Variants in USP49 observed in about 807,000 individuals in gnomAD.
USP49 encodes ubiquitin specific peptidase 49.
Under a neutral mutation model 58.6 loss-of-function variants are expected in USP49, and 24 were observed. The ratio of observed to expected loss-of-function variants is 0.41; its 90% CI spans 0.30 to 0.58. The LOEUF (loss-of-function observed/expected upper bound fraction) is 0.58. USP49 is among the 20% of genes least tolerant of loss of function. USP49 has a pLI of 0.30. For missense variants in USP49, 703 were observed against 866.1 expected, an observed-to-expected ratio of 0.81 and a Z score of 2.36; for synonymous variants, 408 against 365.1, an observed-to-expected ratio of 1.12 and a Z score of -1.34.
At chr6:41,825,372 A>G (rs887934500) in intron 3 of USP49, among the ~76,000 whole-genome samples, 1 of 152,142 alleles carries the variant, frequency 6.6e-6, no homozygotes, top group African/African-American at 2.4e-5. Context: ...TCATTGCCTG[A>G]GATCCCACAG....
At chr6:41,850,565 T>C (rs1015721926) in intron 3 of USP49, among the ~76,000 whole-genome samples, 3 of 151,656 alleles carry the variant, frequency 2.0e-5, no homozygotes, top group Non-Finnish European at 2.9e-5. Context: ...CTATAAACAA[T>C]TGCACACCAA....
rs1467927638 is a variant in USP49 at position 41,791,874 on chromosome 6, TCTGAA to T, written c.*4654_*4658del. ...TCAGCTTTAGCACTGACTTAAAAAGTCTGAACCACCAGGAAGATGCGTACTTAACT... is the reference window on the plus strand; with the variant it reads ...TCAGCTTTAGCACTGACTTAAAAAGTCCACCAGGAAGATGCGTACTTAACT... On this transcript the variant is annotated 3_prime_UTR_variant, in exon 8 of 8. Coordinates refer to ENST00000682992, the MANE Select transcript of USP49 (RefSeq NM_001286554.2). The T allele has an allele frequency of 6.6e-6, 1 of 152,244 alleles. No individual in the cohort carries two copies. The highest frequency in any genetic ancestry group is 2.4e-5 in the African/African-American group (1 of 41,470). 9.4% of individuals were successfully genotyped at this position (152,244 alleles called of 1,614,324 possible).
intron 3 of USP49, among the ~76,000 whole-genome samples, chr6:41,813,700 G>A (rs1362268750): frequency 6.6e-6 from 1 of 152,150 alleles, no homozygotes; most frequent in African/African-American, 2.4e-5. Context: ...ATCCATTCAG[G>A]AAAAACACAG....
chr6:41,861,263 G>A (rs544278499), intron 3 of USP49, among the ~76,000 whole-genome samples: 1 of 152,166 alleles, frequency 6.6e-6, no homozygotes, highest in African/African-American at 2.4e-5. Context: ...TTAACATGGT[G>A]AAACCCTGTC....
intron 3 of USP49, among the ~76,000 whole-genome samples, chr6:41,818,821 T>C (rs1156827517): frequency 1.3e-5 from 2 of 152,206 alleles, no homozygotes; most frequent in Non-Finnish European, 1.5e-5. Context: ...TAACTCTTCC[T>C]GTTACTGAAG....
rs376541033 is a variant in USP49 at position 41,802,427 on chromosome 6, AT to A, written c.1561+1378del. On this transcript the variant is annotated intron_variant, in intron 5 of 7. Coordinates refer to ENST00000682992, the MANE Select transcript of USP49 (RefSeq NM_001286554.2). The stretch of plus-strand genomic sequence containing the variant: ...TTTATTTTTTATTTTATTTTATTTT[AT>A]TTTATTTATTTATTTATTTATTTAT... Among the ~76,000 whole-genome samples the A allele has an allele frequency of 4.4e-3, 358 of 81,152 alleles. 4 individuals carry two copies. The highest frequency in any genetic ancestry group is 0.018 in the Middle Eastern group (3 of 166). 53.2% of individuals were successfully genotyped at this position (81,152 alleles called of 152,430 possible).
intron 5 of USP49, among the ~76,000 whole-genome samples, chr6:41,801,399 T>C (rs900182120): frequency 2.0e-5 from 3 of 152,100 alleles, no homozygotes; most frequent in African/African-American, 4.8e-5. Flanking sequence ...TCTGTGACAA[T>C]AGGATGTGGA....
intron 5 of USP49, among the ~76,000 whole-genome samples, chr6:41,802,402 TTTATTTTTTA>T (rs1265635887): frequency 2.2e-4 from 28 of 124,562 alleles, no homozygotes; most frequent in African/African-American, 6.4e-4. Context: ...TTTATTTTAT[TTTATTTTTTA>T]TTTTATTTTA....
At chr6:41,810,382 C>G (rs1202870969) in intron 3 of USP49, among the ~76,000 whole-genome samples, 1 of 149,100 alleles carries the variant, frequency 6.7e-6, no homozygotes, top group Non-Finnish European at 1.5e-5. Flanking sequence ...CCCAGCTATT[C>G]GGGAAGCTGA....
intron 3 of USP49, among the ~76,000 whole-genome samples, chr6:41,861,397 C>G (rs1028287212): frequency 4.0e-5 from 6 of 151,582 alleles, no homozygotes; most frequent in African/African-American, 1.5e-4. Context: ...GAGCCAAGAT[C>G]GCGCCACTGC....
At position 41,794,484 on chromosome 6, in the gene USP49, T is replaced by C. The variant is rs534043062; in HGVS notation, c.*2049A>G. On this transcript the variant is annotated 3_prime_UTR_variant, in exon 8 of 8. Transcript: ENST00000682992. ...TTCTTTTTTTCTAGAATAATAAATA[T>C]AGGATTCAATGAAAGATGAGGCACG... is the stretch of plus-strand genomic sequence containing the variant. The C allele has an allele frequency of 1.3e-5, 2 of 152,336 alleles. No individual in the cohort carries two copies. Among genetic ancestry groups the C allele is most frequent in the South Asian group, 2.1e-4 (1 of 4,832 alleles). 9.4% of individuals were successfully genotyped at this position (152,336 alleles called of 1,614,324 possible).
At chr6:41,809,816 G>A (rs1581995936) in intron 3 of USP49, among the ~76,000 whole-genome samples, 1 of 151,388 alleles carries the variant, frequency 6.6e-6, no homozygotes, top group East Asian at 2.0e-4. Flanking sequence ...GACAGAGCGA[G>A]ACTCCGTCTC....
chr6:41,796,726 A>G lies in USP49; in HGVS notation c.1877-3T>C. ...GTCATTGCAGTGGACCCAAAAACCTAGGAAACCAAAGGAGAAAAAGAGAGA... is the reference window on the plus strand; with the variant it reads ...GTCATTGCAGTGGACCCAAAAACCTGGGAAACCAAAGGAGAAAAAGAGAGA... On this transcript the variant is annotated splice_region_variant and splice_polypyrimidine_tract_variant and intron_variant, in intron 7 of 7. Coordinates refer to ENST00000682992, the MANE Select transcript of USP49 (RefSeq NM_001286554.2). 1.4e-6 allele frequency: 1 copy of G among 715,200 alleles called. No homozygotes were observed. The highest frequency in any genetic ancestry group is 1.5e-5 in the South Asian group (1 of 67,368). 44.3% of individuals were successfully genotyped at this position (715,200 alleles called of 1,614,324 possible). A position where few individuals can be genotyped will look rare whatever the true frequency, so the allele number is the denominator to read the frequency against.
chr6:41,877,463 T>C (rs1774521640), intron 2 of USP49, among the ~76,000 whole-genome samples: 1 of 152,222 alleles, frequency 6.6e-6, no homozygotes, highest in African/African-American at 2.4e-5. Flanking sequence ...GAAAGGGTTA[T>C]TTATCATCCA....
chr6:41,840,019 T>G (rs759571611), intron 3 of USP49, among the ~76,000 whole-genome samples: 7 of 152,108 alleles, frequency 4.6e-5, no homozygotes, highest in Non-Finnish European at 1.0e-4. Flanking sequence ...ATACCTTCTG[T>G]AGTTTGTCTC....
chr6:41,849,996 A>G (rs563040725), intron 3 of USP49, among the ~76,000 whole-genome samples: 9 of 152,318 alleles, frequency 5.9e-5, no homozygotes, highest in Admixed American at 5.9e-4. Context: ...AAATTAAACA[A>G]TCCACTCTTA....
At chr6:41,885,232 T>C (rs1302977619) in intron 2 of USP49, among the ~76,000 whole-genome samples, 1 of 152,238 alleles carries the variant, frequency 6.6e-6, no homozygotes, top group East Asian at 1.9e-4. Context: ...TATGCCATGC[T>C]GCTAACAAAA....
intron 3 of USP49, among the ~76,000 whole-genome samples, chr6:41,833,465 T>C (rs1773671888): frequency 6.6e-6 from 1 of 152,208 alleles, no homozygotes; most frequent in African/African-American, 2.4e-5. Context: ...TTCTCATTAA[T>C]TCTCAGTAGA....
chr6:41,825,523 G>A (rs1773523740), intron 3 of USP49, among the ~76,000 whole-genome samples: 1 of 152,034 alleles, frequency 6.6e-6, no homozygotes, highest in African/African-American at 2.4e-5. Context: ...TATGTTGCCT[G>A]TGGTAAATGT....
Sources: allele counts gnomAD v4.1 joint callset (sites outside exome capture counted in the v4.1 genomes callset), GRCh38; gene constraint gnomAD v4.1.1; transcripts MANE v1.5; gene names NCBI Gene and HGNC (gene_info 2026-07-23, HGNC 2026-07-21).